Variants in TMCO4 observed in about 807,000 individuals in gnomAD.
The protein encoded by TMCO4 is transmembrane and coiled-coil domains 4.
TMCO4 carries 58 observed loss-of-function variants against 64.7 expected under a neutral mutation model. That is an observed-to-expected ratio of 0.90 (90% confidence interval 0.73 to 1.12). TMCO4 has a LOEUF of 1.12. Ranked by LOEUF, TMCO4 falls within the 50% of genes most tolerant of loss-of-function variation. The pLI is 0.00. For missense variants in TMCO4, 780 were observed against 825.9 expected, an observed-to-expected ratio of 0.94 and a Z score of 0.68; for synonymous variants, 325 against 346.1, an observed-to-expected ratio of 0.94 and a Z score of 0.68.
chr1:19,739,010 C>G (rs554365680), intron 12 of TMCO4, among the ~76,000 whole-genome samples: 1 of 152,334 alleles, frequency 6.6e-6, no homozygotes, highest in East Asian at 1.9e-4. Flanking sequence ...CCCAGAGCAA[C>G]AAGGTAGCAG....
intron 6 of TMCO4, among the ~76,000 whole-genome samples, chr1:19,762,823 C>T (rs545313824): frequency 7.9e-5 from 12 of 152,252 alleles, no homozygotes; most frequent in East Asian, 5.8e-4. Context: ...GATGGTGGGT[C>T]GGGGCTGACC....
At chr1:19,790,665 C>T (rs949842299) in intron 2 of TMCO4, among the ~76,000 whole-genome samples, 6 of 152,168 alleles carry the variant, frequency 3.9e-5, no homozygotes. Flanking sequence ...ACAACAGAAG[C>T]TGGCAAGGCT....
intron 6 of TMCO4, among the ~76,000 whole-genome samples, chr1:19,765,464 C>T (rs2042692798): frequency 1.0e-5 from 1 of 99,844 alleles, no homozygotes; most frequent in Non-Finnish European, 2.0e-5. Context: ...ACATTGGAGC[C>T]ATTTCTGGTT....
intron 13 of TMCO4, among the ~76,000 whole-genome samples, chr1:19,702,283 T>C (rs1484651045): frequency 3.2e-5 from 1 of 31,316 alleles, no homozygotes; most frequent in Non-Finnish European, 6.6e-5. Flanking sequence ...CTCTTGTCTT[T>C]ACAAAAAAAA....
chr1:19,778,194 TATGTGCTAGGC>T (rs1323558453), intron 4 of TMCO4, among the ~76,000 whole-genome samples: 1 of 152,204 alleles, frequency 6.6e-6, no homozygotes, highest in African/African-American at 2.4e-5. Flanking sequence ...GAGTGCCTAC[TATGTGCTAGGC>T]ACTGTGCTGT....
At position 19,799,912 on chromosome 1, in the gene TMCO4, C is replaced by CGCCCG. The variant is rs972856386; in HGVS notation, c.-238_-237insCGGGC. 32 of 151,766 alleles carry CGCCCG rather than the reference C, an allele frequency of 2.1e-4. 1 individual carries two copies. Among genetic ancestry groups the CGCCCG allele is most frequent in the Admixed American group, 4.6e-4 (7 of 15,172 alleles). The allele number at this position is 151,766 out of a possible 1,614,324, so 9.4% of individuals were successfully genotyped here. A position where few individuals can be genotyped will look rare whatever the true frequency, so the allele number is the denominator to read the frequency against. ...GGCAAAACCGGCGAGCGGCTCCTCC[C>CGCCCG]GCCCGGCCCGGCCCGGCCCCTCCCC... On this transcript the variant is annotated 5_prime_UTR_variant, in exon 1 of 16. Coordinates refer to ENST00000294543, the MANE Select transcript of TMCO4 (RefSeq NM_181719.7).
chr1:19,745,705 A>T, intron 9 of TMCO4, 54 bp from the exon 10 acceptor site: 1 of 1,557,384 alleles, frequency 6.4e-7, no homozygotes, highest in Non-Finnish European at 8.7e-7. Flanking sequence ...CCCGGGGAAC[A>T]TCAGGGTGGC....
chr1:19,698,764 G>A (rs1468471512), intron 14 of TMCO4, among the ~76,000 whole-genome samples: 1 of 152,096 alleles, frequency 6.6e-6, no homozygotes. Context: ...ATGGCCCAGG[G>A]TCTCACAAAA....
At chr1:19,733,424 C>T (rs370814789) in intron 13 of TMCO4, among the ~76,000 whole-genome samples, 14 of 152,282 alleles carry the variant, frequency 9.2e-5, no homozygotes, top group Non-Finnish European at 7.4e-5. Flanking sequence ...CACACAGAAT[C>T]GATTCCTTTA....
intron 13 of TMCO4, among the ~76,000 whole-genome samples, chr1:19,725,357 A>G (rs1051724558): frequency 6.6e-6 from 1 of 152,248 alleles, no homozygotes; most frequent in South Asian, 2.1e-4. Context: ...AGGAGAATAA[A>G]TGCATAAATA....
intron 6 of TMCO4, among the ~76,000 whole-genome samples, chr1:19,762,506 G>C (rs2042551526): frequency 2.0e-5 from 3 of 152,248 alleles, no homozygotes. Context: ...ACAAGAGCAA[G>C]GGGCATGTCC....
chr1:19,761,289 T>A (rs533514336), intron 6 of TMCO4, among the ~76,000 whole-genome samples: 8 of 152,192 alleles, frequency 5.3e-5, no homozygotes, highest in African/African-American at 1.7e-4. Context: ...GCCACACACC[T>A]CTCCCCGAAG....
chr1:19,758,305 T>TCC (rs1326915811), intron 6 of TMCO4, among the ~76,000 whole-genome samples: 1 of 152,170 alleles, frequency 6.6e-6, no homozygotes, highest in Non-Finnish European at 1.5e-5. Context: ...GGCTTGGGGT[T>TCC]ATTAGATTCA....
At chr1:19,775,624 T>C (rs2043174082) in intron 4 of TMCO4, among the ~76,000 whole-genome samples, 1 of 152,222 alleles carries the variant, frequency 6.6e-6, no homozygotes, top group African/African-American at 2.4e-5. Flanking sequence ...GGGAAAGGTA[T>C]GAGTAACTGT....
chr1:19,740,407 G>A (rs1368813113), intron 11 of TMCO4, among the ~76,000 whole-genome samples: 14 of 152,176 alleles, frequency 9.2e-5, no homozygotes, highest in Admixed American at 9.2e-4. Context: ...GAGACAAATG[G>A]AGCAGAGCTG....
chr1:19,755,286 C>T lies in TMCO4; in HGVS notation c.515+348G>A, dbSNP rs191099085. 7.4e-4 allele frequency among the ~76,000 whole-genome samples: 113 copies of T among 152,216 alleles called. 1 individual carries two copies. The highest frequency in any genetic ancestry group is 3.9e-3 in the South Asian group (19 of 4,816). On this transcript the variant is annotated intron_variant, in intron 7 of 15. Coordinates refer to ENST00000294543, the MANE Select transcript of TMCO4 (RefSeq NM_181719.7). ...GATTACAGGCACATGCCAGCGTGCC[C>T]GGCTAATTTTTGTATTTTTAGTAGA...
chr1:19,785,057 G>A (rs550315423), intron 3 of TMCO4, among the ~76,000 whole-genome samples: 3 of 152,032 alleles, frequency 2.0e-5, no homozygotes. Context: ...TGTTCACTAC[G>A]CTACAGCCAC....
intron 7 of TMCO4, among the ~76,000 whole-genome samples, chr1:19,748,968 C>T (rs1488769910): frequency 6.6e-6 from 1 of 152,202 alleles, no homozygotes; most frequent in African/African-American, 2.4e-5. Flanking sequence ...CTAAGCATCT[C>T]CTGGGTGTAA....
intron 7 of TMCO4, among the ~76,000 whole-genome samples, chr1:19,752,099 G>T (rs1317549625): frequency 1.3e-5 from 2 of 151,582 alleles, no homozygotes; most frequent in Admixed American, 1.3e-4. Context: ...CCCAGACATC[G>T]TTCATTATTG....
Sources: gnomAD v4.1 joint callset for allele counts (sites outside exome capture counted in the v4.1 genomes callset) on GRCh38, gnomAD v4.1.1 for gene constraint, MANE v1.5 for transcripts, NCBI Gene and HGNC (gene_info 2026-07-23, HGNC 2026-07-21) for gene names.